The following TAOK3 variants were observed in gnomAD, a reference collection of about 807,000 sequenced individuals.
The protein encoded by TAOK3 is TAO kinase 3, also known as serine/threonine-protein kinase TAO3.
A neutral mutation model predicts 120.4 loss-of-function variants in TAOK3; 40 were observed. The ratio of observed to expected loss-of-function variants is 0.33; its 90% confidence interval spans 0.26 to 0.43. TAOK3 has a LOEUF of 0.43. Among genes scored for constraint, TAOK3 ranks in the 20% least tolerant of loss-of-function variants. The pLI is 1.00. For missense variants in TAOK3, 821 were observed against 1,112.1 expected (o/e 0.74, Z 3.72); for synonymous variants, 355 against 387.5 (o/e 0.92, Z 0.99).
intron 1 of TAOK3, among the ~76,000 whole-genome samples, chr12:118,338,672 A>C (rs2044467793): frequency 6.6e-6 from 1 of 151,038 alleles, no homozygotes; most frequent in African/African-American, 2.4e-5. Flanking sequence ...CTGTAGTCCC[A>C]GCTACTCAGG....
At chr12:118,369,412 C>T (rs1318982237) in intron 1 of TAOK3, among the ~76,000 whole-genome samples, 1 of 152,122 alleles carries the variant, frequency 6.6e-6, no homozygotes, top group African/African-American at 2.4e-5. Flanking sequence ...TGGATCAATA[C>T]CATAATATAA....
intron 9 of TAOK3, among the ~76,000 whole-genome samples, chr12:118,218,562 AAAT>A (rs1277413567): frequency 6.6e-6 from 1 of 152,228 alleles, no homozygotes; most frequent in African/African-American, 2.4e-5. Flanking sequence ...ATTGTTTAGA[AAAT>A]AATGAGAAGA....
chr12:118,289,896 G>A (rs2042409336), intron 1 of TAOK3, among the ~76,000 whole-genome samples: 2 of 151,724 alleles, frequency 1.3e-5, no homozygotes, highest in Non-Finnish European at 2.9e-5. Context: ...TTGGGAGGCT[G>A]AGGCAGGACA....
At chr12:118,351,182 A>C (rs1235864828) in intron 1 of TAOK3, among the ~76,000 whole-genome samples, 2 of 152,190 alleles carry the variant, frequency 1.3e-5, no homozygotes, top group Non-Finnish European at 2.9e-5. Context: ...CTGTCTCAAG[A>C]AAATAAATTA....
rs184970594 is a variant in TAOK3 at position 118,172,209 on chromosome 12, G to A, written c.1899+248C>T. Among the ~76,000 whole-genome samples the A allele has an allele frequency of 1.2e-3, 181 of 152,266 alleles. 2 individuals carry two copies. Among genetic ancestry groups the A allele is most frequent in the Non-Finnish European group, 7.1e-4 (48 of 68,024 alleles). On this transcript the variant is annotated intron_variant, in intron 17 of 20. Transcript: ENST00000392533. Reference sequence around the variant, plus strand: ...TTCATTGTGTGATATGGCTTATAACGGGAGTTCAATAAAATTCTATTACAT... The same window carrying A: ...TTCATTGTGTGATATGGCTTATAACAGGAGTTCAATAAAATTCTATTACAT...
chr12:118,244,887 A>G lies in TAOK3; in HGVS notation c.192+7T>C, dbSNP rs776711731. ...TCAGTTTAGGTATACAACTGTCTCTATCTCACCTCATGGGTCTGCTTCCCA... is the reference window on the plus strand; with the variant it reads ...TCAGTTTAGGTATACAACTGTCTCTGTCTCACCTCATGGGTCTGCTTCCCA... On this transcript the variant is annotated splice_region_variant and intron_variant, in intron 4 of 20. Coordinates refer to ENST00000392533, the MANE Select transcript of TAOK3 (RefSeq NM_016281.4). 2 of 1,595,330 alleles carry G rather than the reference A, an allele frequency of 1.3e-6. No individual in the cohort carries two copies. The highest frequency in any genetic ancestry group is 1.7e-6 in the Non-Finnish European group (2 of 1,164,332).
intron 13 of TAOK3, among the ~76,000 whole-genome samples, chr12:118,196,848 C>T (rs2037755566): frequency 6.6e-6 from 1 of 152,140 alleles, no homozygotes; most frequent in Admixed American, 6.5e-5. Flanking sequence ...CTATGCTGCG[C>T]CAGGCACTAT....
intron 11 of TAOK3, among the ~76,000 whole-genome samples, chr12:118,211,505 G>GT (rs1472840182): frequency 6.7e-6 from 1 of 149,952 alleles, no homozygotes; most frequent in Non-Finnish European, 1.5e-5. Context: ...AAACTGTTAT[G>GT]TTTTTTCTCT....
At chr12:118,228,153 CTT>C (rs753232720) in intron 9 of TAOK3, among the ~76,000 whole-genome samples, 13 of 138,128 alleles carry the variant, frequency 9.4e-5, no homozygotes, top group Non-Finnish European at 1.1e-4. Context: ...TATATATACT[CTT>C]TTTTTTTTTT....
rs2045927656 is a variant in TAOK3, at chr12:118,372,394, GCA to G, written c.-194+252_-194+253del. ...CTCTCCGGGTCCCTTCCTCTCACGCGCACTGTCCCGGCCCCTCTTGGAGACCC... is the reference window on the plus strand; with the variant it reads ...CTCTCCGGGTCCCTTCCTCTCACGCGCTGTCCCGGCCCCTCTTGGAGACCC... On this transcript the variant is annotated intron_variant, in intron 1 of 20. Transcript: ENST00000392533. The surrounding 1 kb of genome is among the most constrained non-coding windows in gnomAD (Gnocchi z 4.6). Among the ~76,000 whole-genome samples the G allele has an allele frequency of 8.4e-6, 1 of 119,124 alleles. No homozygotes were observed. Among genetic ancestry groups the G allele is most frequent in the African/African-American group, 3.2e-5 (1 of 31,204 alleles). The allele number at this position is 119,124 out of a possible 152,430, so 78.1% of individuals were successfully genotyped here.
At chr12:118,363,239 C>A (rs2045653940) in intron 1 of TAOK3, among the ~76,000 whole-genome samples, 1 of 152,008 alleles carries the variant, frequency 6.6e-6, no homozygotes, top group Non-Finnish European at 1.5e-5. Context: ...CTGTCAGGGT[C>A]ACAAGTGAAT....
intron 1 of TAOK3, among the ~76,000 whole-genome samples, chr12:118,294,453 G>A (rs1421586279): frequency 6.6e-6 from 1 of 150,838 alleles, no homozygotes; most frequent in African/African-American, 2.4e-5. Flanking sequence ...CTGCACTCTC[G>A]GCTCACTCCA....
chr12:118,152,080 A>AC (rs1592946510), intron 20 of TAOK3, 147 bp downstream of exon 20: 1 of 696,886 alleles, frequency 1.4e-6, no homozygotes, highest in East Asian at 2.8e-5. Context: ...GACAATGCCT[A>AC]CCTCACAAGG....
At chr12:118,370,913 G>A (rs541491459) in intron 1 of TAOK3, among the ~76,000 whole-genome samples, 1 of 152,176 alleles carries the variant, frequency 6.6e-6, no homozygotes, top group African/African-American at 2.4e-5. Flanking sequence ...CTGGAATTAC[G>A]CCTAAAGCTC....
chr12:118,316,562 G>A (rs1258335231), intron 1 of TAOK3, among the ~76,000 whole-genome samples: 1 of 151,946 alleles, frequency 6.6e-6, no homozygotes, highest in African/African-American at 2.4e-5. Context: ...CACCCTGCCT[G>A]GCTAGATTCT....
In TAOK3 at chr12:118,196,129, T is replaced by G. The variant is rs980894379; in HGVS notation, c.1194+2922A>C. On this transcript the variant is annotated intron_variant, in intron 13 of 20. Transcript: ENST00000392533. Reference sequence around the variant, plus strand: ...TTTGGATTAGGATCCCCTCAGGGCCTGGGAAAGACCAGAGTAGAGGCAAGG... The same window carrying G: ...TTTGGATTAGGATCCCCTCAGGGCCGGGGAAAGACCAGAGTAGAGGCAAGG... Among the ~76,000 whole-genome samples, 3 of 151,976 alleles carry G rather than the reference T, an allele frequency of 2.0e-5. No homozygotes were observed. In the East Asian group the frequency reaches 5.8e-4, roughly 29 times the overall value.
chr12:118,151,286 CG>C lies in TAOK3; in HGVS notation c.2536-129del. The C allele has an allele frequency of 1.4e-5, 6 of 439,422 alleles. No homozygotes were observed. The South Asian group carries it at 1.8e-4, about 13-fold the overall frequency. 27.2% of individuals were successfully genotyped at this position (439,422 alleles called of 1,614,324 possible). A position where few individuals can be genotyped will look rare whatever the true frequency, so the allele number is the denominator to read the frequency against. ...TAGGCACACACATGAAGTGCGCGCG[CG>C]CGCACACACACACACACACACACAC... On this transcript the variant is annotated intron_variant, in intron 20 of 20. Coordinates refer to ENST00000392533, the MANE Select transcript of TAOK3 (RefSeq NM_016281.4).
intron 1 of TAOK3, among the ~76,000 whole-genome samples, chr12:118,274,410 T>C (rs959602348): frequency 2.0e-5 from 3 of 152,144 alleles, no homozygotes; most frequent in African/African-American, 7.2e-5. Context: ...ATCCTAACAA[T>C]GATAACCTTT....
At chr12:118,159,139 AT>A (rs981009359) in intron 19 of TAOK3, among the ~76,000 whole-genome samples, 15 of 151,636 alleles carry the variant, frequency 9.9e-5, no homozygotes, top group African/African-American at 3.6e-4. Context: ...GTCTCCATAT[AT>A]TTTCCTCTGT....
Sources: allele counts gnomAD v4.1 joint callset (sites outside exome capture counted in the v4.1 genomes callset), GRCh38; gene constraint gnomAD v4.1.1; non-coding constraint Gnocchi (gnomAD v3.1); transcripts MANE v1.5; gene names NCBI Gene and HGNC (gene_info 2026-07-23, HGNC 2026-07-21).